The following BAZ2B variants were observed in gnomAD, a reference collection of about 807,000 sequenced individuals.
BAZ2B encodes bromodomain adjacent to zinc finger domain 2B.
In BAZ2B, 91 loss-of-function variants were observed where a neutral mutation model predicts 246.0. The observed-to-expected ratio is 0.37, with a 90% confidence interval of 0.31 to 0.44. The LOEUF is 0.44. Ranked by LOEUF, BAZ2B falls within the 20% of genes least tolerant of loss-of-function variation. The probability of loss-of-function intolerance (pLI) is 1.00; values close to 1 mark genes in which losing one functional copy is unlikely to be tolerated. For missense variants in BAZ2B, 2,332 were observed against 2,533.7 expected, an observed-to-expected ratio of 0.92 and a Z score of 1.71; for synonymous variants, 855 against 860.0, an observed-to-expected ratio of 0.99 and a Z score of 0.10.
the BAZ2B span, among the ~76,000 whole-genome samples, chr2:159,710,365 C>T: frequency 6.6e-6 from 1 of 152,056 alleles, no homozygotes; most frequent in Non-Finnish European, 1.5e-5. Flanking sequence ...CCTGCCACCA[C>T]GCCCGGCTAA....
At chr2:159,710,520 C>T in the BAZ2B span, among the ~76,000 whole-genome samples, 1 of 152,152 alleles carries the variant, frequency 6.6e-6, no homozygotes, top group Non-Finnish European at 1.5e-5. Flanking sequence ...AAAATGTCTG[C>T]AGCATAGCAA....
At position 159,395,832 on chromosome 2, in the gene BAZ2B, T is replaced by C; in HGVS notation, c.3012A>G (p.Glu1004=). ...TCATGTGTTGTCGCCTTCGCTCTCG[T>C]TCCTATTAGGCCAGATAAAATGTGG... ...RQQAVLLKHQ[E]RERRRQHMML... The change falls in exon 20 of 37, where the codon GAA becomes GAG. Residue 1004 remains glutamate (E), a splice_region_variant and synonymous_variant. Coordinates refer to ENST00000392783, the MANE Select transcript of BAZ2B (RefSeq NM_013450.4). The C allele has an allele frequency of 6.2e-7, 1 of 1,610,142 alleles. No homozygotes were observed. The highest frequency in any genetic ancestry group is 8.5e-7 in the Non-Finnish European group (1 of 1,177,940).
At chr2:159,547,225 C>T (rs771659255) in intron 2 of BAZ2B, among the ~76,000 whole-genome samples, 2 of 152,130 alleles carry the variant, frequency 1.3e-5, no homozygotes, top group Non-Finnish European at 2.9e-5. Flanking sequence ...TACTATCTTA[C>T]ATTCTGATGC....
chr2:159,368,679 T>C (rs951013503), intron 27 of BAZ2B, among the ~76,000 whole-genome samples: 3 of 152,146 alleles, frequency 2.0e-5, no homozygotes, highest in Admixed American at 2.0e-4. Flanking sequence ...TATATCACTT[T>C]GCAGTTGTTT....
chr2:159,459,194 T>TAC (rs2076133568), intron 3 of BAZ2B: 1 of 152,226 alleles, frequency 6.6e-6, no homozygotes, highest in Non-Finnish European at 1.5e-5. Flanking sequence ...ATCAGACCAT[T>TAC]ACTAGGGTAT....
chr2:159,404,982 T>A (rs375850587), intron 15 of BAZ2B, 40 bp downstream of exon 15: 5 of 1,612,036 alleles, frequency 3.1e-6, no homozygotes, highest in Admixed American at 1.7e-5. Flanking sequence ...AATTCCCCAG[T>A]ACTGACTCTT....
the BAZ2B span, among the ~76,000 whole-genome samples, chr2:159,692,618 A>C: frequency 6.6e-6 from 1 of 152,162 alleles, no homozygotes; most frequent in Admixed American, 6.5e-5. Flanking sequence ...CAGGAGGCTG[A>C]GGCTGGAGGA....
intron 2 of BAZ2B, among the ~76,000 whole-genome samples, chr2:159,531,041 T>C (rs1016384480): frequency 1.3e-5 from 2 of 152,086 alleles, no homozygotes; most frequent in Non-Finnish European, 2.9e-5. Context: ...ATACCTGCAA[T>C]TGAAAAATAA....
intron 33 of BAZ2B, among the ~76,000 whole-genome samples, chr2:159,334,435 T>G (rs1038068599): frequency 2.0e-5 from 3 of 152,200 alleles, no homozygotes; most frequent in African/African-American, 7.2e-5. Context: ...CCTCTTTTTC[T>G]TGATAACCTT....
chr2:159,700,441 TTTTGTTTG>T, the BAZ2B span, among the ~76,000 whole-genome samples: 14 of 151,562 alleles, frequency 9.2e-5, no homozygotes, highest in African/African-American at 2.4e-4. Context: ...AATTGTATTC[TTTTGTTTG>T]TTTGTTTGTT....
the BAZ2B span, among the ~76,000 whole-genome samples, chr2:159,668,795 G>C: frequency 6.6e-6 from 1 of 152,030 alleles, no homozygotes; most frequent in Admixed American, 6.6e-5. Flanking sequence ...ATGGGTTGAC[G>C]CCTGTAATCC....
chr2:159,646,403 A>C, the BAZ2B span, among the ~76,000 whole-genome samples: 1 of 152,078 alleles, frequency 6.6e-6, no homozygotes. Context: ...ATGCTCTACA[A>C]TTTTTGCAGT....
chr2:159,666,629 G>A, the BAZ2B span, among the ~76,000 whole-genome samples: 9 of 152,072 alleles, frequency 5.9e-5, no homozygotes, highest in Admixed American at 5.9e-4. Context: ...GCCAAAGTGG[G>A]TGGATCACTT....
chr2:159,496,783 C>CAA lies in BAZ2B; in HGVS notation c.-2-18064_-2-18063dup, dbSNP rs10713062. On this transcript the variant is annotated intron_variant, in intron 2 of 36. Transcript: ENST00000392783. ...GGGCAACAAGAGGGAAACTCCGTCT[C>CAA]AAAAAAAAAAAAAAAAAAAAAAAAA... Among the ~76,000 whole-genome samples, 125 of 64,202 alleles carry CAA rather than the reference C, an allele frequency of 1.9e-3. 4 individuals are homozygous for CAA. The highest frequency in any genetic ancestry group is 3.9e-3 in the East Asian group (7 of 1,806). The allele number at this position is 64,202 out of a possible 152,430, so 42.1% of individuals were successfully genotyped here. A position where few individuals can be genotyped will look rare whatever the true frequency, so the allele number is the denominator to read the frequency against.
chr2:159,352,163 A>G (rs1366483767), intron 27 of BAZ2B, among the ~76,000 whole-genome samples: 1 of 151,978 alleles, frequency 6.6e-6, no homozygotes, highest in East Asian at 1.9e-4. Flanking sequence ...CTCACTTTCT[A>G]TTTTCAGCTT....
downstream of BAZ2B, among the ~76,000 whole-genome samples, chr2:159,315,729 G>A (rs969834019): frequency 6.6e-6 from 1 of 152,158 alleles, no homozygotes; most frequent in African/African-American, 2.4e-5. Context: ...GATTATACAT[G>A]GGCATGAATA....
intron 13 of BAZ2B, among the ~76,000 whole-genome samples, chr2:159,414,014 A>G (rs913471842): frequency 1.3e-5 from 2 of 152,230 alleles, no homozygotes; most frequent in Non-Finnish European, 1.5e-5. Context: ...GAGGTAACCC[A>G]TATGTCAGAT....
the BAZ2B span, among the ~76,000 whole-genome samples, chr2:159,659,341 G>A: frequency 6.6e-6 from 1 of 152,150 alleles, no homozygotes; most frequent in East Asian, 1.9e-4. Flanking sequence ...CCTACTAAAA[G>A]TTTGAGCCAA....
intron 3 of BAZ2B, among the ~76,000 whole-genome samples, chr2:159,465,114 A>T (rs2076882327): frequency 6.6e-6 from 1 of 152,174 alleles, no homozygotes. Context: ...AGAAGTCTGA[A>T]ATCAAGGTGT....
Sources: allele counts gnomAD v4.1 joint callset (sites outside exome capture counted in the v4.1 genomes callset), GRCh38; gene constraint gnomAD v4.1.1; transcripts MANE v1.5; gene names NCBI Gene and HGNC (gene_info 2026-07-23, HGNC 2026-07-21).